SLC24A2: variants seen among roughly 807,000 people sequenced by gnomAD.
SLC24A2 encodes sodium/potassium/calcium exchanger 2.
Under a neutral mutation model 62.0 loss-of-function variants are expected in SLC24A2, and 36 were observed. The ratio of observed to expected loss-of-function variants is 0.58; its 90% CI spans 0.44 to 0.77. The LOEUF (loss-of-function observed/expected upper bound fraction) is 0.77. Among genes scored for constraint, SLC24A2 ranks in the 30% least tolerant of loss-of-function variants. The pLI, the probability that SLC24A2 is intolerant of heterozygous loss-of-function variation, is 0.00. For synonymous variants in SLC24A2, 358 were observed against 294.0 expected (o/e 1.22, Z -2.23); for missense variants, 846 against 817.9 (o/e 1.03, Z -0.42).
At chr9:19,915,552 A>C in the SLC24A2 span, among the ~76,000 whole-genome samples, 6 of 152,248 alleles carry the variant, frequency 3.9e-5, no homozygotes, top group African/African-American at 1.4e-4. Flanking sequence ...CCCACCAGCA[A>C]TATATTAAAG....
the SLC24A2 span, among the ~76,000 whole-genome samples, chr9:19,998,458 C>A: frequency 6.6e-6 from 1 of 152,168 alleles, no homozygotes; most frequent in Non-Finnish European, 1.5e-5. Context: ...TTCATTGTAG[C>A]TCCAGCATTT....
chr9:19,642,671 C>CTTTTTTTTTTTTTTTT (rs71335440), intron 2 of SLC24A2, among the ~76,000 whole-genome samples: 1 of 79,850 alleles, frequency 1.3e-5, no homozygotes, highest in Non-Finnish European at 2.5e-5. Flanking sequence ...AGAGCGTATT[C>CTTTTTTTTTTTTTTTT]TTTTTTTTTT....
At chr9:20,253,253 TC>T in the SLC24A2 span, among the ~76,000 whole-genome samples, 2 of 152,292 alleles carry the variant, frequency 1.3e-5, no homozygotes, top group South Asian at 4.1e-4. Context: ...GTATCTAAGC[TC>T]CCATTTACAA....
At chr9:19,872,885 C>A in the SLC24A2 span, among the ~76,000 whole-genome samples, 18 of 151,984 alleles carry the variant, frequency 1.2e-4, no homozygotes, top group African/African-American at 4.4e-4. Flanking sequence ...TCCAGAGCCC[C>A]GGTAATAAAG....
At chr9:20,205,528 G>A in the SLC24A2 span, among the ~76,000 whole-genome samples, 1 of 151,696 alleles carries the variant, frequency 6.6e-6, no homozygotes, top group Non-Finnish European at 1.5e-5. Context: ...GCAGGCTCCT[G>A]TAGTCCTAGC....
At chr9:19,735,490 A>G (rs1564071385) in intron 2 of SLC24A2, among the ~76,000 whole-genome samples, 1 of 152,164 alleles carries the variant, frequency 6.6e-6, no homozygotes, top group Non-Finnish European at 1.5e-5. Flanking sequence ...CATTTGACCC[A>G]GCCATCCCAT....
the SLC24A2 span, among the ~76,000 whole-genome samples, chr9:20,113,446 A>T: frequency 6.6e-6 from 1 of 152,180 alleles, no homozygotes; most frequent in Non-Finnish European, 1.5e-5. Context: ...AGCTATTTAT[A>T]TTTGTTATGA....
chr9:19,544,664 G>T (rs1834459345), intron 8 of SLC24A2, among the ~76,000 whole-genome samples: 1 of 152,136 alleles, frequency 6.6e-6, no homozygotes, highest in Non-Finnish European at 1.5e-5. Flanking sequence ...GTCTGTAAAG[G>T]AGTTTATTTC....
chr9:20,090,287 C>T, the SLC24A2 span, among the ~76,000 whole-genome samples: 1 of 152,146 alleles, frequency 6.6e-6, no homozygotes, highest in Admixed American at 6.5e-5. Context: ...AAACCCTTGG[C>T]CACAACCACT....
the SLC24A2 span, among the ~76,000 whole-genome samples, chr9:20,062,279 G>T: frequency 6.6e-6 from 1 of 151,890 alleles, no homozygotes; most frequent in Non-Finnish European, 1.5e-5. Context: ...GCATGGTAAA[G>T]GTACCAAAAC....
chr9:19,563,957 G>A (rs1835544924), intron 7 of SLC24A2, among the ~76,000 whole-genome samples: 1 of 151,132 alleles, frequency 6.6e-6, no homozygotes, highest in Admixed American at 6.6e-5. Context: ...GGGCTCAAGT[G>A]ATCCTCCCAC....
At chr9:19,946,511 C>G in the SLC24A2 span, among the ~76,000 whole-genome samples, 2 of 152,180 alleles carry the variant, frequency 1.3e-5, no homozygotes, top group African/African-American at 4.8e-5. Context: ...TGAAAGCAAA[C>G]CGCTGGCTCC....
chr9:19,771,826 C>T (rs919783575), intron 2 of SLC24A2, among the ~76,000 whole-genome samples: 2 of 152,042 alleles, frequency 1.3e-5, no homozygotes, highest in Non-Finnish European at 2.9e-5. Context: ...TATTTTTTAC[C>T]GTATATATGG....
the SLC24A2 span, among the ~76,000 whole-genome samples, chr9:20,161,807 T>C: frequency 8.6e-5 from 13 of 150,826 alleles, no homozygotes; most frequent in African/African-American, 3.2e-4. Flanking sequence ...CACACACATA[T>C]CTATGTATCT....
the SLC24A2 span, among the ~76,000 whole-genome samples, chr9:19,936,278 CTATTAT>C: frequency 6.6e-6 from 1 of 152,128 alleles, no homozygotes; most frequent in African/African-American, 2.4e-5. Flanking sequence ...CGATTTATTA[CTATTAT>C]TATTATTTGA....
chr9:19,998,804 G>T, the SLC24A2 span, among the ~76,000 whole-genome samples: 1 of 152,220 alleles, frequency 6.6e-6, no homozygotes, highest in East Asian at 1.9e-4. Flanking sequence ...TTGTGTGCTT[G>T]ATCTTTGTTG....
chr9:19,619,679 A>G lies in SLC24A2; in HGVS notation c.983T>C (p.Leu328Pro). 6.2e-7 allele frequency: 1 copy of G among 1,613,834 alleles called. No individual in the cohort carries two copies. Residue 328 changes from leucine (L) to proline (P), a missense_variant, in exon 4 of 11, where the codon CTC becomes CCC. Coordinates refer to ENST00000341998, the MANE Select transcript of SLC24A2 (RefSeq NM_020344.4). Reference sequence around the variant, plus strand: ...GGAGGCAGAGCTTCCACCTCGCTGGAGACGCGGCTTAGCCTGAGCAGAGAA... The same window carrying G: ...GGAGGCAGAGCTTCCACCTCGCTGGGGACGCGGCTTAGCCTGAGCAGAGAA... ...DEPTLPAKPRLQRGGSSASLH... is the reference protein window; with the variant it reads ...DEPTLPAKPRPQRGGSSASLH...
At chr9:20,183,593 C>A in the SLC24A2 span, among the ~76,000 whole-genome samples, 1 of 152,222 alleles carries the variant, frequency 6.6e-6, no homozygotes, top group African/African-American at 2.4e-5. Context: ...TGCCCAACCT[C>A]AGAGCTAATG....
the SLC24A2 span, among the ~76,000 whole-genome samples, chr9:20,221,445 C>T: frequency 5.5e-4 from 84 of 151,842 alleles, no homozygotes; most frequent in African/African-American, 1.9e-3. Flanking sequence ...ATAAAACAAA[C>T]AAACAAGACT....
Sources: gnomAD v4.1 joint callset for allele counts (sites outside exome capture counted in the v4.1 genomes callset) on GRCh38, gnomAD v4.1.1 for gene constraint, MANE v1.5 for transcripts, NCBI Gene and HGNC (gene_info 2026-07-23, HGNC 2026-07-21) for gene names.